NLRP11: variants seen among roughly 807,000 people sequenced by gnomAD.
NLRP11 encodes NLR family pyrin domain containing 11.
In NLRP11, 53 loss-of-function variants were observed where a neutral mutation model predicts 79.3. The ratio of observed to expected loss-of-function variants is 0.67; its 90% CI spans 0.54 to 0.84. The LOEUF is 0.84. Ranked by LOEUF, NLRP11 falls within the 40% of genes least tolerant of loss-of-function variation. The pLI, the probability that NLRP11 is intolerant of heterozygous loss-of-function variation, is 0.00. For synonymous variants in NLRP11, 518 were observed against 462.6 expected (o/e 1.12, Z -1.54); for missense variants, 1,264 against 1,255.0 (o/e 1.01, Z -0.11).
chr19:55,800,368 C>A (rs927869680), intron 5 of NLRP11, among the ~76,000 whole-genome samples: 1 of 152,134 alleles, frequency 6.6e-6, no homozygotes, highest in Admixed American at 6.5e-5. Context: ...CGTGCAGCGG[C>A]GCCATCTCAG....
Position 55,809,343 on chromosome 19 carries a change from T to C in NLRP11, c.1267A>G (p.Thr423Ala). 1 of 1,614,096 alleles carries C rather than the reference T, an allele frequency of 6.2e-7. No individual in the cohort carries two copies. Among genetic ancestry groups the C allele is most frequent in the Non-Finnish European group, 8.5e-7 (1 of 1,180,004 alleles). The change falls in exon 3 of 10, where the codon ACT (threonine) becomes GCT (alanine). Residue 423 changes from threonine to alanine, a missense_variant. Thr to Ala is a moderately conservative substitution (Grantham distance 58). Coordinates refer to ENST00000589093, the Ensembl canonical transcript of NLRP11. The surrounding 1 kb of genome is among the most constrained non-coding windows in gnomAD (Gnocchi z 4.5). ...TGCAACACAGAGACATCAGCCTCAGTAAACCCAACACATCTGAGGTCTTCA... is the reference window on the plus strand; with the variant it reads ...TGCAACACAGAGACATCAGCCTCAGCAAACCCAACACATCTGAGGTCTTCA...
intron 4 of NLRP11, among the ~76,000 whole-genome samples, chr19:55,802,989 TCTTCACACCACATACAAA>T (rs1979630548): frequency 1.3e-5 from 2 of 152,148 alleles, no homozygotes; most frequent in Admixed American, 1.3e-4. Context: ...CTGAATGCCT[TCTTCACACCACATACAAA>T]AACCAACTCA....
At chr19:55,789,077 T>C in intron 8 of NLRP11, 100 bp from the exon 9 acceptor site, 1 of 1,467,642 alleles carries the variant, frequency 6.8e-7, no homozygotes, top group South Asian at 1.2e-5. Context: ...CCTCCAAGTT[T>C]TGGGCAAAAG....
chr19:55,810,347 G>A lies in NLRP11; in HGVS notation c.272-9C>T. ...GCATGCCTCCTGATTGCCTAATCCA[G>A]CGAGTACAGGGCAGAAAATACAGAA... On this transcript the variant is annotated splice_polypyrimidine_tract_variant and intron_variant, in intron 2 of 9. Coordinates refer to ENST00000589093, the Ensembl canonical transcript of NLRP11. The A allele has an allele frequency of 6.3e-7, 1 of 1,598,962 alleles. No individual in the cohort carries two copies. Among genetic ancestry groups the A allele is most frequent in the Non-Finnish European group, 8.5e-7 (1 of 1,171,216 alleles).
chr19:55,812,678 A>C (rs1235967226), intron 2 of NLRP11, among the ~76,000 whole-genome samples: 2 of 152,154 alleles, frequency 1.3e-5, no homozygotes, highest in Non-Finnish European at 2.9e-5. Context: ...ACGAAAAATG[A>C]TGTGGAGGTT....
chr19:55,792,179 T>G (rs1291799819), intron 7 of NLRP11, 122 bp downstream of exon 7: 2 of 794,316 alleles, frequency 2.5e-6, no homozygotes, highest in Non-Finnish European at 4.2e-6. Context: ...GGGGAGCCCA[T>G]GCTCCCGTAC....
chr19:55,820,886 AAG>A (rs1199561250), intron 1 of NLRP11, among the ~76,000 whole-genome samples: 2 of 152,126 alleles, frequency 1.3e-5, no homozygotes, highest in African/African-American at 2.4e-5. Context: ...GGGTGTACAG[AAG>A]AGAGTTAACA....
At chr19:55,794,989 C>CTGCA (rs1354842864) in intron 6 of NLRP11, among the ~76,000 whole-genome samples, 1 of 152,144 alleles carries the variant, frequency 6.6e-6, no homozygotes. Flanking sequence ...AGATGACCTA[C>CTGCA]TGCATTCTTT....
rs538632250 is a variant in NLRP11 at position 55,796,425 on chromosome 19, A to C, written c.2172-175T>G. ...CCCTATGCCACTCCTCAGAGTTCAAATTTGGGCAAGGTTACAGATTCACGA... is the reference window on the plus strand; with the variant it reads ...CCCTATGCCACTCCTCAGAGTTCAACTTTGGGCAAGGTTACAGATTCACGA... On this transcript the variant is annotated intron_variant, in intron 5 of 9. Coordinates refer to ENST00000589093, the Ensembl canonical transcript of NLRP11. Among the ~76,000 whole-genome samples the C allele has an allele frequency of 2.6e-5, 4 of 152,118 alleles. No individual in the cohort carries two copies. In the South Asian group the frequency reaches 8.3e-4, roughly 32 times the overall value.
intron 4 of NLRP11, among the ~76,000 whole-genome samples, chr19:55,807,164 TCAAA>T (rs1015152733): frequency 5.3e-5 from 8 of 152,186 alleles, no homozygotes; most frequent in African/African-American, 1.9e-4. Context: ...GACTAGCACC[TCAAA>T]CAAAGTAGGC....
chr19:55,788,872 G>A, exon 9 of NLRP11: 1 of 1,612,170 alleles, frequency 6.2e-7, no homozygotes, highest in Non-Finnish European at 8.5e-7. Flanking sequence ...CTCCATCATT[G>A]CCCAAGTGAT....
In NLRP11 at chr19:55,809,154, A is replaced by G; in HGVS notation, c.1456T>C (p.Ser486Pro). 2 of 1,613,830 alleles carry G rather than the reference A, an allele frequency of 1.2e-6. No individual in the cohort carries two copies. Among genetic ancestry groups the G allele is most frequent in the Admixed American group, 1.7e-5 (1 of 59,998 alleles). Residue 486 changes from serine (S) to proline (P), a missense_variant, in exon 3 of 10, where the codon TCT becomes CCT. Coordinates refer to ENST00000589093, the Ensembl canonical transcript of NLRP11. The surrounding 1 kb of genome is among the most constrained non-coding windows in gnomAD (Gnocchi z 4.5). ...AAAGTAAACACTTGATTAAAGTCAG[A>G]GTATTGTTCTCTCTTCTCTTTATAC...
intron 9 of NLRP11, among the ~76,000 whole-genome samples, chr19:55,786,475 C>T (rs1417656227): frequency 1.3e-5 from 2 of 151,948 alleles, no homozygotes; most frequent in Non-Finnish European, 2.9e-5. Context: ...GAGCCATGAT[C>T]ACACCACTGC....
chr19:55,832,210 C>G (rs302474), upstream of NLRP11: 10 of 152,104 alleles, frequency 6.6e-5, no homozygotes, highest in Non-Finnish European at 1.2e-4. Flanking sequence ...GTCCACACCC[C>G]GTTTATGATG....
chr19:55,823,297 A>G (rs1981996665), intron 1 of NLRP11, among the ~76,000 whole-genome samples: 1 of 135,076 alleles, frequency 7.4e-6, no homozygotes, highest in Non-Finnish European at 1.6e-5. Flanking sequence ...AGTAGATAAA[A>G]CCACAAAGAT....
chr19:55,804,108 ATG>A (rs57756541), intron 4 of NLRP11, among the ~76,000 whole-genome samples: 21,246 of 151,928 alleles, frequency 0.14, 1,869 homozygotes, highest in African/African-American at 0.25. Context: ...ATATATATAT[ATG>A]TGTGTGTGTG....
At chr19:55,797,687 G>A (rs1374968598) in intron 5 of NLRP11, among the ~76,000 whole-genome samples, 2 of 152,196 alleles carry the variant, frequency 1.3e-5, no homozygotes, top group Non-Finnish European at 2.9e-5. Context: ...CTTGGCCTGT[G>A]TATTCTATTT....
In NLRP11 at chr19:55,823,249, G is replaced by A. The variant is rs372957440; in HGVS notation, c.-62-5013C>T. Among the ~76,000 whole-genome samples the A allele has an allele frequency of 3.7e-3, 476 of 129,010 alleles. 7 individuals carry two copies. Among genetic ancestry groups the A allele is most frequent in the East Asian group, 0.02 (86 of 4,254 alleles). 84.6% of individuals were successfully genotyped at this position (129,010 alleles called of 152,430 possible). ...AACAAACAGAAAGGACATCCACACC[G>A]AAAACCCATCTGTACATCACCATCA... On this transcript the variant is annotated intron_variant, in intron 1 of 9. Transcript: ENST00000589093.
chr19:55,812,719 G>C (rs565331176), intron 2 of NLRP11, among the ~76,000 whole-genome samples: 1 of 152,042 alleles, frequency 6.6e-6, no homozygotes, highest in East Asian at 1.9e-4. Flanking sequence ...AACTACCCTA[G>C]GACCCTGAAG....
Sources: allele counts gnomAD v4.1 joint callset (sites outside exome capture counted in the v4.1 genomes callset), GRCh38; gene constraint gnomAD v4.1.1; non-coding constraint Gnocchi (gnomAD v3.1); transcripts MANE v1.5; gene names NCBI Gene and HGNC (gene_info 2026-07-23, HGNC 2026-07-21).